The following SLC24A2 variants were observed in gnomAD, a reference collection of about 807,000 sequenced individuals.
SLC24A2 encodes solute carrier family 24 member 2.
Under a neutral mutation model 62.0 loss-of-function variants are expected in SLC24A2, and 36 were observed. That is an observed-to-expected ratio of 0.58 (90% confidence interval 0.44 to 0.77). The LOEUF (loss-of-function observed/expected upper bound fraction) is 0.77. Ranked by LOEUF, SLC24A2 falls within the 30% of genes least tolerant of loss-of-function variation. The pLI is 0.00. For synonymous variants in SLC24A2, 358 were observed against 294.0 expected (o/e 1.22, Z -2.23); for missense variants, 846 against 817.9 (o/e 1.03, Z -0.42).
chr9:20,255,605 T>A, the SLC24A2 span, among the ~76,000 whole-genome samples: 2 of 151,418 alleles, frequency 1.3e-5, no homozygotes, highest in Non-Finnish European at 2.9e-5. Flanking sequence ...CTCAGTTCCT[T>A]TCCACACGAG....
chr9:19,607,723 A>C (rs1288937196), intron 4 of SLC24A2, among the ~76,000 whole-genome samples: 1 of 151,646 alleles, frequency 6.6e-6, no homozygotes, highest in East Asian at 1.9e-4. Flanking sequence ...TGTCTCAAAA[A>C]AAAAAAAAAA....
chr9:20,100,472 C>T, the SLC24A2 span, among the ~76,000 whole-genome samples: 2 of 152,128 alleles, frequency 1.3e-5, no homozygotes, highest in African/African-American at 4.8e-5. Context: ...CATCTGAACC[C>T]AGGTGCATTT....
chr9:20,189,447 A>G, the SLC24A2 span, among the ~76,000 whole-genome samples: 4 of 152,292 alleles, frequency 2.6e-5, no homozygotes, highest in East Asian at 5.8e-4. Context: ...TAATAAATCA[A>G]TACCTTCCCA....
the SLC24A2 span, among the ~76,000 whole-genome samples, chr9:20,107,759 C>G: frequency 2.6e-5 from 4 of 152,034 alleles, no homozygotes; most frequent in African/African-American, 9.7e-5. Context: ...AAAACCTAGG[C>G]ATTACCATTC....
chr9:19,536,535 C>A (rs1211176520), intron 8 of SLC24A2, among the ~76,000 whole-genome samples: 1 of 78,328 alleles, frequency 1.3e-5, no homozygotes, highest in Non-Finnish European at 2.4e-5. Flanking sequence ...ATGAACTCAT[C>A]ATTTTTTATG....
At chr9:20,258,804 C>CTATCTATCTATCTATCT in the SLC24A2 span, among the ~76,000 whole-genome samples, 352 of 124,334 alleles carry the variant, frequency 2.8e-3, 3 homozygotes, top group Middle Eastern at 0.011. Context: ...ATCTATCTAT[C>CTATCTATCTATCTATCT]TATCTATCTA....
chr9:19,950,633 C>A, the SLC24A2 span, among the ~76,000 whole-genome samples: 3 of 152,146 alleles, frequency 2.0e-5, no homozygotes, highest in Admixed American at 6.5e-5. Context: ...ATGTGTCAGG[C>A]ATTTTCCTAG....
chr9:20,118,815 CT>C, the SLC24A2 span, among the ~76,000 whole-genome samples: 1 of 152,092 alleles, frequency 6.6e-6, no homozygotes, highest in African/African-American at 2.4e-5. Context: ...GTCTTGCCTC[CT>C]TGTGTTCATG....
chr9:20,047,067 G>A, the SLC24A2 span, among the ~76,000 whole-genome samples: 4,615 of 152,176 alleles, frequency 0.03, 92 homozygotes, highest in South Asian at 0.07. Context: ...TTGGGAAGGA[G>A]CCGGGTTCAG....
chr9:19,839,770 C>T, the SLC24A2 span, among the ~76,000 whole-genome samples: 2 of 152,074 alleles, frequency 1.3e-5, no homozygotes, highest in African/African-American at 4.8e-5. Context: ...ATTTTTAGGT[C>T]AATGACAGAC....
chr9:19,922,439 T>G, the SLC24A2 span, among the ~76,000 whole-genome samples: 1 of 152,196 alleles, frequency 6.6e-6, no homozygotes, highest in Non-Finnish European at 1.5e-5. Flanking sequence ...CATTTAAATT[T>G]TTTCATGCCC....
At chr9:19,773,267 TA>T (rs1822744747) in intron 2 of SLC24A2, among the ~76,000 whole-genome samples, 1 of 152,234 alleles carries the variant, frequency 6.6e-6, no homozygotes, top group Non-Finnish European at 1.5e-5. Context: ...ATGTATATGC[TA>T]AAAAACACTG....
chr9:19,890,202 G>T, the SLC24A2 span, among the ~76,000 whole-genome samples: 1 of 152,180 alleles, frequency 6.6e-6, no homozygotes, highest in Non-Finnish European at 1.5e-5. Context: ...TGGAGAAAGA[G>T]TCAATAAGAG....
At chr9:19,941,470 T>C in the SLC24A2 span, among the ~76,000 whole-genome samples, 4 of 152,174 alleles carry the variant, frequency 2.6e-5, no homozygotes, top group African/African-American at 7.2e-5. Context: ...ACATCACATA[T>C]TCAAACTCCA....
intron 2 of SLC24A2, among the ~76,000 whole-genome samples, chr9:19,706,092 A>T (rs1820506199): frequency 6.6e-6 from 1 of 152,002 alleles, no homozygotes; most frequent in Non-Finnish European, 1.5e-5. Flanking sequence ...GTCACTAAGG[A>T]CTTGCTTTAT....
chr9:20,288,001 T>G, the SLC24A2 span, among the ~76,000 whole-genome samples: 1 of 140,364 alleles, frequency 7.1e-6, no homozygotes, highest in Non-Finnish European at 1.5e-5. Context: ...CACTTTCTCT[T>G]TTTTTTGGTT....
chr9:19,743,358 A>C (rs1338317342), intron 2 of SLC24A2, among the ~76,000 whole-genome samples: 1 of 152,192 alleles, frequency 6.6e-6, no homozygotes, highest in East Asian at 1.9e-4. Context: ...CTTTTTAAGG[A>C]AACAGTATTT....
intron 8 of SLC24A2, among the ~76,000 whole-genome samples, chr9:19,543,686 T>C (rs899111337): frequency 6.6e-6 from 1 of 152,204 alleles, no homozygotes; most frequent in African/African-American, 2.4e-5. Flanking sequence ...TTTCGTTTTT[T>C]ACCCAGTAGT....
chr9:19,764,225 A>G (rs745519926), intron 2 of SLC24A2, among the ~76,000 whole-genome samples: 2 of 152,164 alleles, frequency 1.3e-5, no homozygotes, highest in African/African-American at 4.8e-5. Flanking sequence ...TAGTCTGGCT[A>G]GCAGTCTATC....
Sources: gnomAD v4.1 joint callset for allele counts (sites outside exome capture counted in the v4.1 genomes callset) on GRCh38, gnomAD v4.1.1 for gene constraint, MANE v1.5 for transcripts, NCBI Gene and HGNC (gene_info 2026-07-23, HGNC 2026-07-21) for gene names.